DHRSX: variants seen among roughly 807,000 people sequenced by gnomAD.
DHRSX encodes the protein dehydrogenase/reductase X-linked, also known as polyprenol dehydrogenase.
In DHRSX, 31 loss-of-function variants were observed where a neutral mutation model predicts 34.0. The ratio of observed to expected loss-of-function variants is 0.91; its 90% confidence interval spans 0.69 to 1.23. DHRSX has a LOEUF of 1.23. DHRSX is among the 50% of genes most tolerant of loss of function. DHRSX has a pLI of 0.00. For missense variants in DHRSX, 414 were observed against 428.1 expected (o/e 0.97, Z 0.29); for synonymous variants, 201 against 183.8 (o/e 1.09, Z -0.76).
At chrX:2,426,454 C>G (rs2043848181) in intron 1 of DHRSX, among the ~76,000 whole-genome samples, 1 of 147,014 alleles carries the variant, frequency 6.8e-6, no homozygotes, top group Admixed American at 6.8e-5. Context: ...TTCCCTCCCT[C>G]TTTCCTTCCC....
At chrX:2,309,591 A>C (rs2042139997) in intron 3 of DHRSX, among the ~76,000 whole-genome samples, 1 of 152,196 alleles carries the variant, frequency 6.6e-6, no homozygotes, top group Admixed American at 6.6e-5. Flanking sequence ...GATCTTAGTC[A>C]ACCTTGTAAC....
At chrX:2,451,253 T>C (rs1285971301) in intron 1 of DHRSX, among the ~76,000 whole-genome samples, 7 of 142,148 alleles carry the variant, frequency 4.9e-5, no homozygotes, top group Admixed American at 4.3e-4. Context: ...AAAAAAAAAG[T>C]TGCATCAAGA....
chrX:2,243,926 C>T (rs1209053440), intron 5 of DHRSX, among the ~76,000 whole-genome samples: 14 of 149,896 alleles, frequency 9.3e-5, no homozygotes, highest in Admixed American at 4.7e-4. Flanking sequence ...CCTGTCACCA[C>T]GCCCGGCTAA....
intron 3 of DHRSX, among the ~76,000 whole-genome samples, chrX:2,312,999 G>GAT (rs199745375): frequency 1.2e-3 from 138 of 116,084 alleles, no homozygotes; most frequent in African/African-American, 5.4e-3. Flanking sequence ...CCAGCTTCAA[G>GAT]ATATATATTT....
intron 5 of DHRSX, among the ~76,000 whole-genome samples, chrX:2,252,120 C>A (rs1393928067): frequency 6.6e-6 from 1 of 152,102 alleles, no homozygotes; most frequent in East Asian, 1.9e-4. Context: ...TGCCTGTAAT[C>A]CCAGCTACTC....
intron 3 of DHRSX, among the ~76,000 whole-genome samples, chrX:2,298,455 A>C (rs373079472): frequency 1.1e-4 from 16 of 151,630 alleles, no homozygotes; most frequent in African/African-American, 2.9e-4. Context: ...GTAGTGAACA[A>C]CACCAGAAAA....
At chrX:2,271,248 C>T (rs1010885723) in intron 4 of DHRSX, among the ~76,000 whole-genome samples, 31 of 152,172 alleles carry the variant, frequency 2.0e-4, no homozygotes, top group African/African-American at 4.8e-4. Flanking sequence ...AAACTCGGGA[C>T]GCACCATCTT....
At chrX:2,331,770 A>T (rs966445153) in intron 3 of DHRSX, among the ~76,000 whole-genome samples, 1 of 152,042 alleles carries the variant, frequency 6.6e-6, no homozygotes, top group African/African-American at 2.4e-5. Flanking sequence ...TTTTGAAAAA[A>T]GTTCTACTCT....
intron 3 of DHRSX, among the ~76,000 whole-genome samples, chrX:2,344,913 A>G (rs1569491595): frequency 2.8e-5 from 3 of 106,892 alleles, no homozygotes; most frequent in African/African-American, 1.0e-4. Flanking sequence ...ATATATATAT[A>G]TACTGTATTT....
Position 2,318,364 on chromosome X carries a change from G to T in DHRSX, c.287-26761C>A, listed in dbSNP as rs1442917815. 2.0e-5 allele frequency among the ~76,000 whole-genome samples: 3 copies of T among 150,736 alleles called. No individual in the cohort carries two copies. In the East Asian group the frequency reaches 5.8e-4, roughly 29 times the overall value. ...CAACCCAATCTCAAAAAAAAAAAAA[G>T]ATACCCTTCCAGCCAGATGAATGCA... On this transcript the variant is annotated intron_variant, in intron 3 of 6. Transcript: ENST00000334651.
At chrX:2,245,210 C>G (rs1026396190) in intron 5 of DHRSX, among the ~76,000 whole-genome samples, 1 of 152,138 alleles carries the variant, frequency 6.6e-6, no homozygotes, top group Non-Finnish European at 1.5e-5. Flanking sequence ...TTTGGGAAGG[C>G]TCATCACAAA....
intron 4 of DHRSX, among the ~76,000 whole-genome samples, chrX:2,273,335 A>G (rs992732002): frequency 4.6e-5 from 7 of 152,200 alleles, no homozygotes; most frequent in Admixed American, 6.5e-5. Flanking sequence ...AGTACTGGAT[A>G]AAGAAAATGG....
intron 1 of DHRSX, among the ~76,000 whole-genome samples, chrX:2,427,236 G>A (rs1484633185): frequency 6.6e-6 from 1 of 152,228 alleles, no homozygotes. Flanking sequence ...CCAGGAAGAG[G>A]AAGGCGGCTG....
At chrX:2,461,696 C>T (rs1416450605) in intron 1 of DHRSX, among the ~76,000 whole-genome samples, 1 of 152,082 alleles carries the variant, frequency 6.6e-6, no homozygotes, top group Non-Finnish European at 1.5e-5. Context: ...CGCGTGGCAC[C>T]ATGTTTGGCT....
chrX:2,385,609 C>T (rs2043262448), intron 3 of DHRSX, among the ~76,000 whole-genome samples: 2 of 152,054 alleles, frequency 1.3e-5, no homozygotes, highest in African/African-American at 2.4e-5. Flanking sequence ...AGATTAATTC[C>T]TTCAGAGGTT....
intron 3 of DHRSX, among the ~76,000 whole-genome samples, chrX:2,379,230 A>T (rs2043176811): frequency 6.6e-6 from 1 of 152,182 alleles, no homozygotes; most frequent in African/African-American, 2.4e-5. Flanking sequence ...AAAGAAGAAC[A>T]TGAAGAAAAG....
At chrX:2,294,766 A>AAG (rs779339446) in intron 3 of DHRSX, among the ~76,000 whole-genome samples, 120 of 149,186 alleles carry the variant, frequency 8.0e-4, no homozygotes, top group African/African-American at 2.7e-3. Flanking sequence ...GAGACAGAGA[A>AAG]AGAGAGAGAG....
At chrX:2,242,962 A>T in intron 6 of DHRSX, 61 bp downstream of exon 6, 1 of 1,541,254 alleles carries the variant, frequency 6.5e-7, no homozygotes, top group Non-Finnish European at 8.9e-7. Context: ...TGGACTGGGG[A>T]CCCCCTTTCC....
intron 3 of DHRSX, among the ~76,000 whole-genome samples, chrX:2,355,425 T>C (rs1312964461): frequency 1.4e-5 from 2 of 147,278 alleles, no homozygotes; most frequent in Non-Finnish European, 1.5e-5. Context: ...GGTGGGACGA[T>C]GTCTTCAGCC....
Sources: allele counts gnomAD v4.1 joint callset (sites outside exome capture counted in the v4.1 genomes callset), GRCh38; gene constraint gnomAD v4.1.1; transcripts MANE v1.5; gene names NCBI Gene and HGNC (gene_info 2026-07-23, HGNC 2026-07-21).